The following FAM13A variants were observed in gnomAD, a reference collection of about 807,000 sequenced individuals.
FAM13A encodes family with sequence similarity 13 member A.
In FAM13A, 76 loss-of-function variants were observed where a neutral mutation model predicts 129.6. That is an observed-to-expected ratio of 0.59 (90% CI 0.49 to 0.71). The LOEUF (loss-of-function observed/expected upper bound fraction) is 0.71, where lower values mean the gene tolerates loss of function less well. Among genes scored for constraint, FAM13A ranks in the 30% least tolerant of loss-of-function variants. The pLI is 0.00. For missense variants in FAM13A, 1,108 were observed against 1,249.3 expected (o/e 0.89, Z 1.70); for synonymous variants, 443 against 449.9 (o/e 0.98, Z 0.20).
intron 4 of FAM13A, among the ~76,000 whole-genome samples, chr4:88,953,985 G>C (rs1333348390): frequency 7.9e-5 from 12 of 152,070 alleles, no homozygotes; most frequent in Non-Finnish European, 1.5e-4. Flanking sequence ...CAAAAATTCT[G>C]GTCAGCCTCT....
intron 6 of FAM13A, among the ~76,000 whole-genome samples, chr4:88,903,573 C>G (rs1359012442): frequency 6.6e-6 from 1 of 152,184 alleles, no homozygotes; most frequent in Non-Finnish European, 1.5e-5. Flanking sequence ...AAAATTGAAA[C>G]TGGACCCCTT....
At chr4:89,007,802 G>A (rs1765246156) in intron 3 of FAM13A, among the ~76,000 whole-genome samples, 1 of 152,156 alleles carries the variant, frequency 6.6e-6, no homozygotes, top group East Asian at 1.9e-4. Context: ...TCTTCAAAAT[G>A]GAGATTATAC....
intron 4 of FAM13A, among the ~76,000 whole-genome samples, chr4:88,972,496 T>A (rs1760256364): frequency 6.6e-6 from 1 of 151,930 alleles, no homozygotes; most frequent in South Asian, 2.1e-4. Flanking sequence ...AGACAGGGTA[T>A]CACCATGTTG....
At chr4:88,834,052 G>A (rs954615379) in intron 7 of FAM13A, among the ~76,000 whole-genome samples, 27 of 143,422 alleles carry the variant, frequency 1.9e-4, no homozygotes, top group African/African-American at 6.1e-4. Context: ...ACCAGGCCTG[G>A]CTATTTTTTT....
intron 6 of FAM13A, among the ~76,000 whole-genome samples, chr4:88,904,793 A>C (rs181650790): frequency 6.6e-6 from 1 of 152,298 alleles, no homozygotes; most frequent in African/African-American, 2.4e-5. Context: ...GAAGAGAAAA[A>C]AGAAATTTTT....
chr4:88,995,146 T>C (rs974876640), intron 3 of FAM13A, among the ~76,000 whole-genome samples: 1 of 145,816 alleles, frequency 6.9e-6, no homozygotes, highest in Non-Finnish European at 1.5e-5. Context: ...AAAATGTATA[T>C]TTGTTGCACA....
chr4:88,900,803 AC>A lies in FAM13A; in HGVS notation c.843+5575del, dbSNP rs1238333188. On this transcript the variant is annotated intron_variant, in intron 6 of 23. Transcript: ENST00000264344. ...ATCAAATTCACACATAACAATGCTA[AC>A]TTTAAATGTAAATGGGCTAAATGCC... 3.3e-5 allele frequency among the ~76,000 whole-genome samples: 5 copies of A among 152,170 alleles called. No homozygotes were observed. In the East Asian group the frequency reaches 5.8e-4, roughly 18 times the overall value.
chr4:88,990,786 C>A, intron 4 of FAM13A, 187 bp downstream of exon 4: 2 of 466,438 alleles, frequency 4.3e-6, no homozygotes, highest in South Asian at 1.1e-4. Flanking sequence ...GTAAAAAGGG[C>A]ATAGCTACCT....
intron 6 of FAM13A, among the ~76,000 whole-genome samples, chr4:88,866,936 G>A (rs1156634697): frequency 1.3e-5 from 2 of 151,974 alleles, no homozygotes; most frequent in African/African-American, 4.8e-5. Flanking sequence ...CTAAATATGG[G>A]CAAAGGGTAC....
chr4:88,921,869 A>G (rs1269994551), intron 5 of FAM13A, among the ~76,000 whole-genome samples: 1 of 152,098 alleles, frequency 6.6e-6, no homozygotes, highest in African/African-American at 2.4e-5. Context: ...TATCAAGCAA[A>G]TGGAAAACAA....
chr4:88,985,057 T>C (rs1016220356), intron 4 of FAM13A, among the ~76,000 whole-genome samples: 1 of 152,028 alleles, frequency 6.6e-6, no homozygotes, highest in Non-Finnish European at 1.5e-5. Flanking sequence ...AACTAATGAG[T>C]TGATAAACAC....
At chr4:88,974,364 G>T (rs564371676) in intron 4 of FAM13A, among the ~76,000 whole-genome samples, 5 of 152,190 alleles carry the variant, frequency 3.3e-5, no homozygotes, top group Non-Finnish European at 7.3e-5. Context: ...CCAAATCTAA[G>T]AAGTGTTGTT....
intron 5 of FAM13A, among the ~76,000 whole-genome samples, chr4:88,921,386 G>C (rs1416246858): frequency 6.6e-6 from 1 of 152,170 alleles, no homozygotes; most frequent in South Asian, 2.1e-4. Context: ...AAGAGAGTGA[G>C]GGCCAATATT....
chr4:88,853,119 A>G (rs1022054623), intron 6 of FAM13A, among the ~76,000 whole-genome samples: 1 of 152,180 alleles, frequency 6.6e-6, no homozygotes, highest in African/African-American at 2.4e-5. Flanking sequence ...TTTGCAGAGC[A>G]TTCTTAAGCT....
chr4:88,992,833 T>C (rs1219084457), intron 3 of FAM13A, among the ~76,000 whole-genome samples: 1 of 152,242 alleles, frequency 6.6e-6, no homozygotes, highest in Non-Finnish European at 1.5e-5. Flanking sequence ...TCCATTACTT[T>C]AACAGACATC....
intron 23 of FAM13A, 102 bp downstream of exon 23, chr4:88,731,225 C>T (rs1344911882): frequency 6.1e-6 from 4 of 650,704 alleles, no homozygotes; most frequent in Non-Finnish European, 1.1e-5. Context: ...GCAGAAGAGT[C>T]CCCCCTTTGA....
chr4:88,931,358 T>C (rs1753004806), intron 5 of FAM13A, among the ~76,000 whole-genome samples: 1 of 152,140 alleles, frequency 6.6e-6, no homozygotes, highest in African/African-American at 2.4e-5. Context: ...TTGAGAGTTT[T>C]TCCTATATCC....
At chr4:88,755,672 A>G (rs1405513712) in intron 14 of FAM13A, among the ~76,000 whole-genome samples, 1 of 151,956 alleles carries the variant, frequency 6.6e-6, no homozygotes, top group African/African-American at 2.4e-5. Flanking sequence ...CATCTGTATA[A>G]TAGGAAGGTT....
At chr4:88,871,525 C>G (rs1741391184) in intron 6 of FAM13A, among the ~76,000 whole-genome samples, 1 of 152,002 alleles carries the variant, frequency 6.6e-6, no homozygotes, top group Non-Finnish European at 1.5e-5. Flanking sequence ...CCGATTCGAT[C>G]AACTGGAAGA....
Sources: gnomAD v4.1 joint callset for allele counts (sites outside exome capture counted in the v4.1 genomes callset) on GRCh38, gnomAD v4.1.1 for gene constraint, MANE v1.5 for transcripts, NCBI Gene and HGNC (gene_info 2026-07-23, HGNC 2026-07-21) for gene names.